CARMIL1: variants seen among roughly 807,000 people sequenced by gnomAD.
CARMIL1 encodes capping protein regulator and myosin 1 linker 1.
In CARMIL1, 90 loss-of-function variants were observed where a neutral mutation model predicts 177.1. That is an observed-to-expected ratio of 0.51 (90% CI 0.43 to 0.61). The LOEUF (loss-of-function observed/expected upper bound fraction) is 0.61, where lower values mean the gene tolerates loss of function less well. CARMIL1 is among the 20% of genes least tolerant of loss of function. The pLI is 0.00. For synonymous variants in CARMIL1, 577 were observed against 606.2 expected (o/e 0.95, Z 0.71); for missense variants, 1,380 against 1,667.0 (o/e 0.83, Z 3.00).
intron 8 of CARMIL1, among the ~76,000 whole-genome samples, chr6:25,453,590 C>T (rs1799204435): frequency 6.6e-6 from 1 of 152,176 alleles, no homozygotes; most frequent in Non-Finnish European, 1.5e-5. Flanking sequence ...TGAGGACATT[C>T]TAAAATGAAA....
intron 3 of CARMIL1, among the ~76,000 whole-genome samples, chr6:25,423,664 A>G (rs1052878281): frequency 1.3e-5 from 2 of 152,008 alleles, no homozygotes; most frequent in Admixed American, 1.3e-4. Flanking sequence ...GCTCCTTATC[A>G]CTTTGAGATC....
chr6:25,539,979 A>G lies in CARMIL1; in HGVS notation c.2229A>G (p.Ala743=). Residue 743 remains alanine, a synonymous_variant, in exon 26 of 37, where the codon GCA becomes GCG. Transcript: ENST00000329474. ...LLPNLYHVGG[A]SWAGASGLLS... ...CAAATTTATACCATGTTGGTGGTGC[A>G]TCTTGGGCGGGAGCCAGTGGCTTAC... is the stretch of plus-strand genomic sequence containing the variant. The G allele has an allele frequency of 6.2e-7, 1 of 1,601,540 alleles. No individual in the cohort carries two copies.
At chr6:25,477,720 T>C (rs190198233) in intron 11 of CARMIL1, among the ~76,000 whole-genome samples, 118 of 152,322 alleles carry the variant, frequency 7.7e-4, no homozygotes, top group African/African-American at 2.7e-3. Flanking sequence ...AATATATGTG[T>C]GTACATTTAT....
intron 2 of CARMIL1, chr6:25,388,081 A>C (rs1792360092): frequency 6.6e-6 from 1 of 152,164 alleles, no homozygotes; most frequent in Non-Finnish European, 1.5e-5. Flanking sequence ...TTGTTGAACC[A>C]TGTTACTATT....
intron 36 of CARMIL1, among the ~76,000 whole-genome samples, chr6:25,615,079 C>T (rs554154665): frequency 1.4e-4 from 21 of 152,268 alleles, no homozygotes; most frequent in East Asian, 5.8e-4. Context: ...TTGTTAGTGC[C>T]GATTCCTAGC....
rs568568200 is a variant in CARMIL1, at chr6:25,606,350, G to A, written c.3847+77G>A. ...GCCAGCTGGATCAGACTCTGCAGGT[G>A]GTTTCAGGGGCAGCTGGTGAGCGAG... On this transcript the variant is annotated intron_variant, in intron 35 of 36. Transcript: ENST00000329474. 325 of 1,363,838 alleles carry A rather than the reference G, an allele frequency of 2.4e-4. 2 individuals are homozygous for A. In the South Asian group the frequency reaches 2.6e-3, roughly 11 times the overall value. 84.5% of individuals were successfully genotyped at this position (1,363,838 alleles called of 1,614,324 possible). A position where few individuals can be genotyped will look rare whatever the true frequency, so the allele number is the denominator to read the frequency against.
At position 25,604,422 on chromosome 6, in the gene CARMIL1, T is replaced by A. The variant is rs1489032651; in HGVS notation, c.3553-390T>A. 5.9e-5 allele frequency among the ~76,000 whole-genome samples: 9 copies of A among 152,306 alleles called. No homozygotes were observed. In the East Asian group the frequency reaches 1.7e-3, roughly 29 times the overall value. ...TGGAAACCAAACCTAGAGCAGATTC[T>A]GTACATTTCTAGCATGCAAGGGCCC... is the stretch of plus-strand genomic sequence containing the variant. On this transcript the variant is annotated intron_variant, in intron 33 of 36. Coordinates refer to ENST00000329474, the MANE Select transcript of CARMIL1 (RefSeq NM_017640.6).
intron 17 of CARMIL1, among the ~76,000 whole-genome samples, chr6:25,508,712 A>T (rs1805163393): frequency 2.0e-5 from 3 of 152,226 alleles, no homozygotes; most frequent in Admixed American, 2.0e-4. Flanking sequence ...CTACATGAGT[A>T]AAGGACTTGC....
chr6:25,474,348 C>A (rs1008214165), intron 11 of CARMIL1, among the ~76,000 whole-genome samples: 1 of 151,910 alleles, frequency 6.6e-6, no homozygotes, highest in Admixed American at 6.6e-5. Flanking sequence ...AACTCCTGAC[C>A]TCGTGATCCA....
At chr6:25,500,272 A>C in intron 17 of CARMIL1, 37 bp downstream of exon 17, 1 of 1,572,530 alleles carries the variant, frequency 6.4e-7, no homozygotes, top group South Asian at 1.1e-5. Context: ...GGAATAGATA[A>C]TAGCCTCAAC....
At chr6:25,499,583 C>T (rs1256038922) in intron 16 of CARMIL1, among the ~76,000 whole-genome samples, 2 of 152,126 alleles carry the variant, frequency 1.3e-5, no homozygotes, top group African/African-American at 2.4e-5. Context: ...CTCAGCTCAG[C>T]AGGTAGTTGG....
chr6:25,458,485 C>CAAAAAAAAA (rs750169275), intron 8 of CARMIL1, among the ~76,000 whole-genome samples: 1 of 68,210 alleles, frequency 1.5e-5, no homozygotes, highest in African/African-American at 6.4e-5. Context: ...GACTCTGTCT[C>CAAAAAAAAA]AAAAAAAAAA....
At chr6:25,396,363 C>CTTT (rs548277789) in intron 2 of CARMIL1, among the ~76,000 whole-genome samples, 78 of 140,774 alleles carry the variant, frequency 5.5e-4, no homozygotes, top group African/African-American at 1.9e-3. Flanking sequence ...TTTTTTTTTC[C>CTTT]TTTTTTTTTT....
intron 2 of CARMIL1, among the ~76,000 whole-genome samples, chr6:25,292,675 A>G (rs578260649): frequency 6.6e-6 from 1 of 152,322 alleles, no homozygotes; most frequent in South Asian, 2.1e-4. Context: ...TAGGCAAAGA[A>G]GCTGTTGAAC....
intron 4 of CARMIL1, among the ~76,000 whole-genome samples, chr6:25,430,507 G>T (rs578079849): frequency 6.8e-4 from 103 of 151,390 alleles, no homozygotes; most frequent in Admixed American, 1.5e-3. Context: ...TCAGCTCATG[G>T]CAACCTTCGC....
chr6:25,435,667 C>T (rs1252516959), intron 5 of CARMIL1, 63 bp downstream of exon 5: 2 of 1,492,272 alleles, frequency 1.3e-6, no homozygotes, highest in Admixed American at 2.4e-5. Flanking sequence ...ACGGCAAATA[C>T]AACAATGCCT....
chr6:25,526,941 C>G (rs1013382625), intron 23 of CARMIL1, among the ~76,000 whole-genome samples: 13 of 152,140 alleles, frequency 8.5e-5, no homozygotes, highest in African/African-American at 2.9e-4. Context: ...AAAAATATGA[C>G]TATTTACTTT....
At chr6:25,540,344 G>A (rs1197882569) in intron 26 of CARMIL1, among the ~76,000 whole-genome samples, 4 of 152,098 alleles carry the variant, frequency 2.6e-5, no homozygotes, top group African/African-American at 9.7e-5. Context: ...CTATTTAGGG[G>A]GTAGAAAGAG....
chr6:25,417,606 C>A (rs542369358), intron 2 of CARMIL1, among the ~76,000 whole-genome samples: 1 of 152,168 alleles, frequency 6.6e-6, no homozygotes. Context: ...CCTACCTTCA[C>A]GGTAACTGAT....
Sources: gnomAD v4.1 joint callset for allele counts (sites outside exome capture counted in the v4.1 genomes callset) on GRCh38, gnomAD v4.1.1 for gene constraint, MANE v1.5 for transcripts, NCBI Gene and HGNC (gene_info 2026-07-23, HGNC 2026-07-21) for gene names.